ZC4H2: variants seen among roughly 807,000 people sequenced by gnomAD.
ZC4H2 encodes the protein zinc finger C4H2 domain-containing protein.
For synonymous variants in ZC4H2, 84 were observed against 66.3 expected (o/e 1.27, Z -1.30); for missense variants, 137 against 173.9 (o/e 0.79, Z 1.19).
intron 1 of ZC4H2, among the ~76,000 whole-genome samples, chrX:64,982,517 G>T (rs1245621580): frequency 8.9e-6 from 1 of 112,334 alleles, no homozygotes; most frequent in African/African-American, 3.2e-5. Flanking sequence ...GAGTCATTTG[G>T]AGAACCCAAA....
At chrX:64,988,766 C>T (rs1932246732) in intron 1 of ZC4H2, among the ~76,000 whole-genome samples, 1 of 111,029 alleles carries the variant, frequency 9.0e-6, no homozygotes, top group African/African-American at 3.3e-5. Context: ...GTTGCCATTG[C>T]TTTTGGTGTT....
At chrX:64,938,952 T>C (rs931141270) in intron 1 of ZC4H2, among the ~76,000 whole-genome samples, 1 of 111,198 alleles carries the variant, frequency 9.0e-6, no homozygotes, top group Non-Finnish European at 1.9e-5. Flanking sequence ...ATCAGGCAAA[T>C]GAAAGAAATA....
intron 1 of ZC4H2, among the ~76,000 whole-genome samples, chrX:64,950,495 AG>A (rs1474471237): frequency 9.0e-6 from 1 of 111,207 alleles, no homozygotes; most frequent in Non-Finnish European, 1.9e-5. Flanking sequence ...GTCTCTTTCT[AG>A]GTCTCTAAGG....
At chrX:64,918,995 T>C (rs776684542) in intron 4 of ZC4H2, 47 bp downstream of exon 4, 2 of 1,126,038 alleles carry the variant, frequency 1.8e-6, no homozygotes, top group African/African-American at 1.9e-5. Flanking sequence ...GGCCCTTCCA[T>C]GGGAGGATAC....
intron 1 of ZC4H2, among the ~76,000 whole-genome samples, chrX:65,003,066 A>G (rs1233048387): frequency 9.0e-6 from 1 of 110,705 alleles, no homozygotes; most frequent in African/African-American, 3.3e-5. Flanking sequence ...AAAAAAAAAA[A>G]GAAAAATAAT....
intron 1 of ZC4H2, among the ~76,000 whole-genome samples, chrX:64,982,707 G>T (rs1932106590): frequency 8.9e-6 from 1 of 112,043 alleles, no homozygotes; most frequent in Non-Finnish European, 1.9e-5. Context: ...GGGGCAAAAT[G>T]GCTTCATTTA....
intron 1 of ZC4H2, among the ~76,000 whole-genome samples, chrX:65,026,725 G>A (rs1038246922): frequency 1.0e-4 from 11 of 109,733 alleles, no homozygotes; most frequent in Non-Finnish European, 1.7e-4. Flanking sequence ...AAAAAAAAAA[G>A]GAATTTAGCA....
intron 1 of ZC4H2, among the ~76,000 whole-genome samples, chrX:64,971,288 C>T (rs1413205746): frequency 8.9e-6 from 1 of 111,792 alleles, no homozygotes. Context: ...CCATTGCAGA[C>T]AGAGGAGAGA....
intron 1 of ZC4H2, among the ~76,000 whole-genome samples, chrX:65,028,538 T>G (rs1385297900): frequency 9.4e-6 from 1 of 106,848 alleles, no homozygotes; most frequent in Non-Finnish European, 1.9e-5. Context: ...CTTTGGGGAT[T>G]TTTTTTTTTT....
At position 65,008,604 on chromosome X, in the gene ZC4H2, C is replaced by T. The variant is rs187139902; in HGVS notation, c.-272+26025G>A. 4.6e-4 allele frequency among the ~76,000 whole-genome samples: 52 copies of T among 112,309 alleles called. 1 individual carries two copies. Among genetic ancestry groups the T allele is most frequent in the Middle Eastern group, 4.6e-3 (1 of 218 alleles). On this transcript the variant is annotated intron_variant, in intron 1 of 4. Transcript: ENST00000337990. Reference sequence around the variant, plus strand: ...ATGAATGTATAAAGAAAATGTAGTACATACACACAATGAAATATTATTCAA... The same window carrying T: ...ATGAATGTATAAAGAAAATGTAGTATATACACACAATGAAATATTATTCAA...
intron 1 of ZC4H2, among the ~76,000 whole-genome samples, chrX:64,993,130 A>T (rs1932342619): frequency 8.9e-6 from 1 of 112,371 alleles, no homozygotes; most frequent in African/African-American, 3.2e-5. Flanking sequence ...ATAAACAACA[A>T]ATACTTTTTT....
chrX:65,027,950 C>A (rs1345671259), intron 1 of ZC4H2, among the ~76,000 whole-genome samples: 1 of 111,719 alleles, frequency 9.0e-6, no homozygotes, highest in African/African-American at 3.3e-5. Context: ...GATCTGAGCA[C>A]CTGGAAGAGC....
chrX:65,005,488 C>CACTATTTAATAAATGGTGTTGG (rs755953296), intron 1 of ZC4H2, among the ~76,000 whole-genome samples: 1 of 105,234 alleles, frequency 9.5e-6, no homozygotes, highest in African/African-American at 3.7e-5. Context: ...GAAAAGGATT[C>CACTATTTAATAAATGGTGTTGG]GAAATCTGGC....
At chrX:65,027,524 T>C (rs781166212) in intron 1 of ZC4H2, among the ~76,000 whole-genome samples, 1 of 111,298 alleles carries the variant, frequency 9.0e-6, no homozygotes, top group Non-Finnish European at 1.9e-5. Context: ...ATTTAGGAGA[T>C]AGAATCAGCA....
intron 1 of ZC4H2, among the ~76,000 whole-genome samples, chrX:64,969,128 T>A (rs1257943226): frequency 8.9e-6 from 1 of 112,512 alleles, no homozygotes; most frequent in African/African-American, 3.2e-5. Flanking sequence ...AATGGTAGGA[T>A]TATGTTTCAA....
intron 1 of ZC4H2, among the ~76,000 whole-genome samples, chrX:64,933,912 G>A (rs945922609): frequency 8.9e-6 from 1 of 111,819 alleles, no homozygotes. Context: ...CATAATGGTA[G>A]GCTAAGACCC....
At chrX:64,943,771 A>G (rs1284846768) in intron 1 of ZC4H2, among the ~76,000 whole-genome samples, 1 of 110,684 alleles carries the variant, frequency 9.0e-6, no homozygotes, top group Non-Finnish European at 1.9e-5. Context: ...ATGGGTCTTG[A>G]GTCTTTTTTA....
intron 1 of ZC4H2, among the ~76,000 whole-genome samples, chrX:64,990,347 G>A (rs1932285507): frequency 8.9e-6 from 1 of 111,787 alleles, no homozygotes; most frequent in East Asian, 2.8e-4. Flanking sequence ...GTGGTTACCA[G>A]AGGTTACAGA....
chrX:64,941,970 C>A (rs1301479252), intron 1 of ZC4H2, among the ~76,000 whole-genome samples: 2 of 111,637 alleles, frequency 1.8e-5, no homozygotes, highest in African/African-American at 6.5e-5. Flanking sequence ...GAAATTGTAC[C>A]ATCTCCTCTT....
Sources: allele counts gnomAD v4.1 joint callset (sites outside exome capture counted in the v4.1 genomes callset), GRCh38; gene constraint gnomAD v4.1.1; transcripts MANE v1.5; gene names NCBI Gene and HGNC (gene_info 2026-07-23, HGNC 2026-07-21).